NRG1: variants seen among roughly 807,000 people sequenced by gnomAD.
The protein encoded by NRG1 is neuregulin 1.
NRG1 carries 18 observed loss-of-function variants against 63.8 expected under a neutral mutation model. That is an observed-to-expected ratio of 0.28 (90% CI 0.19 to 0.42). NRG1 has a LOEUF of 0.42. Ranked by LOEUF, NRG1 falls within the 10% of genes least tolerant of loss-of-function variation. The probability of loss-of-function intolerance (pLI) is 1.00; values close to 1 mark genes in which losing one functional copy is unlikely to be tolerated. For synonymous variants in NRG1, 302 were observed against 301.3 expected, an observed-to-expected ratio of 1.00 and a Z score of -0.02; for missense variants, 762 against 814.7, an observed-to-expected ratio of 0.94 and a Z score of 0.79.
Position 31,807,039 on chromosome 8 carries a change from A to T in NRG1, c.37+167608A>T, listed in dbSNP as rs981753036. ...GAAAACTACCATGATTAAAAAGACA[A>T]TGCTTTGTCAAATTCACTTGTTATC... On this transcript the variant is annotated intron_variant, in intron 1 of 10. Coordinates refer to the NRG1 transcript ENST00000519301. 2.6e-5 allele frequency among the ~76,000 whole-genome samples: 4 copies of T among 152,374 alleles called. No individual in the cohort carries two copies. The East Asian group carries it at 7.7e-4, about 29-fold the overall frequency.
chr8:32,562,160 G>T (rs1300060315), intron 1 of NRG1, among the ~76,000 whole-genome samples: 1 of 152,130 alleles, frequency 6.6e-6, no homozygotes, highest in Non-Finnish European at 1.5e-5. Context: ...ATTAACAAGA[G>T]AATTAAAGAG....
At chr8:32,685,586 C>CATGTA (rs1809883193) in intron 5 of NRG1, among the ~76,000 whole-genome samples, 2 of 152,314 alleles carry the variant, frequency 1.3e-5, no homozygotes, top group South Asian at 4.1e-4. Flanking sequence ...AGCAAATCTT[C>CATGTA]ATGTATAGTG....
chr8:32,588,976 G>A (rs1013957303), intron 1 of NRG1, among the ~76,000 whole-genome samples: 1 of 152,108 alleles, frequency 6.6e-6, no homozygotes, highest in Admixed American at 6.5e-5. Context: ...GGCGGGGTGA[G>A]CACAACATCA....
At chr8:32,291,606 T>C (rs778567011) in intron 1 of NRG1, among the ~76,000 whole-genome samples, 2 of 145,296 alleles carry the variant, frequency 1.4e-5, no homozygotes, top group Non-Finnish European at 3.0e-5. Context: ...TGGCAAGATC[T>C]CGGCTCACTG....
intron 1 of NRG1, among the ~76,000 whole-genome samples, chr8:32,404,029 A>T (rs921738170): frequency 6.6e-6 from 1 of 152,224 alleles, no homozygotes; most frequent in Non-Finnish European, 1.5e-5. Flanking sequence ...TACACTTTTC[A>T]TTTAATAAAT....
At chr8:31,941,387 G>T (rs1316312823) in intron 1 of NRG1, among the ~76,000 whole-genome samples, 3 of 152,032 alleles carry the variant, frequency 2.0e-5, no homozygotes, top group Non-Finnish European at 4.4e-5. Flanking sequence ...CTGCATAGAA[G>T]GGTCATACCT....
At chr8:32,346,433 G>A (rs117236150) in intron 1 of NRG1, among the ~76,000 whole-genome samples, 4,336 of 151,252 alleles carry the variant, frequency 0.029, 88 homozygotes, top group Non-Finnish European at 0.041. Flanking sequence ...GAAATGTTTT[G>A]TGTATAACCA....
chr8:32,302,354 C>G (rs1855671388), intron 1 of NRG1, among the ~76,000 whole-genome samples: 1 of 152,184 alleles, frequency 6.6e-6, no homozygotes, highest in Non-Finnish European at 1.5e-5. Context: ...GAGCCCCAGT[C>G]TGTGAGGTGC....
intron 1 of NRG1, among the ~76,000 whole-genome samples, chr8:32,404,186 G>A (rs1336285310): frequency 6.6e-6 from 1 of 152,168 alleles, no homozygotes; most frequent in Admixed American, 6.5e-5. Flanking sequence ...TGCTTGACAT[G>A]CCTCTGAAAA....
chr8:31,738,998 G>GT (rs1814981897), intron 1 of NRG1, among the ~76,000 whole-genome samples: 1 of 151,990 alleles, frequency 6.6e-6, no homozygotes, highest in Non-Finnish European at 1.5e-5. Context: ...CTCCTTTGGG[G>GT]GCCCAATTCA....
At chr8:32,577,127 C>G (rs1250826645) in intron 1 of NRG1, among the ~76,000 whole-genome samples, 1 of 152,194 alleles carries the variant, frequency 6.6e-6, no homozygotes, top group Non-Finnish European at 1.5e-5. Flanking sequence ...CCAGCTGCAT[C>G]CCTGTTGCTA....
intron 1 of NRG1, among the ~76,000 whole-genome samples, chr8:32,319,048 G>A (rs550015431): frequency 2.0e-5 from 3 of 152,256 alleles, no homozygotes; most frequent in South Asian, 4.1e-4. Context: ...TGACGTGAAG[G>A]TGAAAAGTTC....
chr8:32,056,693 A>G (rs1458688963), intron 1 of NRG1, among the ~76,000 whole-genome samples: 7 of 152,134 alleles, frequency 4.6e-5, no homozygotes, highest in African/African-American at 1.7e-4. Context: ...CACTGAAAAT[A>G]CCTCTATTTC....
chr8:31,801,687 AT>A (rs1821804861), intron 1 of NRG1, among the ~76,000 whole-genome samples: 1 of 152,220 alleles, frequency 6.6e-6, no homozygotes, highest in African/African-American at 2.4e-5. Flanking sequence ...TCAACATGAA[AT>A]TGTAAGAATT....
intron 1 of NRG1, among the ~76,000 whole-genome samples, chr8:32,061,334 C>T (rs1586816960): frequency 6.6e-6 from 1 of 151,898 alleles, no homozygotes; most frequent in East Asian, 1.9e-4. Context: ...TTGTCTTATC[C>T]CTGAGTGTGT....
At chr8:31,826,963 A>C (rs537969096) in intron 1 of NRG1, among the ~76,000 whole-genome samples, 1 of 152,202 alleles carries the variant, frequency 6.6e-6, no homozygotes, top group East Asian at 1.9e-4. Context: ...AATTTTATAA[A>C]CCCCTGGAAG....
intron 1 of NRG1, among the ~76,000 whole-genome samples, chr8:32,565,762 C>G (rs10104033): frequency 0.58 from 88,788 of 151,936 alleles, 26,520 homozygotes; most frequent in East Asian, 0.85. Context: ...TTCATAATTT[C>G]TGTGTGGTAA....
Position 31,848,572 on chromosome 8 carries a change from G to A in NRG1, c.37+209141G>A, listed in dbSNP as rs577532271. 6.6e-5 allele frequency among the ~76,000 whole-genome samples: 10 copies of A among 152,308 alleles called. No homozygotes were observed. The South Asian group carries it at 8.3e-4, about 13-fold the overall frequency. On this transcript the variant is annotated intron_variant, in intron 1 of 10. Transcript: ENST00000519301. ...TCACGCAGCAGGAGGCGAGCTGCAG[G>A]TGAGTGAGCAAAGCTTCTTCTGTAC...
At chr8:32,738,460 T>G (rs1589513466) in intron 6 of NRG1, among the ~76,000 whole-genome samples, 1 of 151,764 alleles carries the variant, frequency 6.6e-6, no homozygotes, top group East Asian at 2.0e-4. Context: ...GTATATATAT[T>G]TAAAGCTACA....
Sources: allele counts gnomAD v4.1 joint callset (sites outside exome capture counted in the v4.1 genomes callset), GRCh38; gene constraint gnomAD v4.1.1; transcripts MANE v1.5; gene names NCBI Gene and HGNC (gene_info 2026-07-23, HGNC 2026-07-21).